Variants in NCAM1 observed in about 807,000 individuals in gnomAD.
NCAM1 encodes neural cell adhesion molecule 1.
In NCAM1, 14 loss-of-function variants were observed where a neutral mutation model predicts 109.8. The observed-to-expected ratio is 0.13, with a 90% CI of 0.08 to 0.20. The LOEUF is 0.20. Among genes scored for constraint, NCAM1 ranks in the 10% least tolerant of loss-of-function variants. NCAM1 has a pLI of 1.00. For missense variants in NCAM1, 774 were observed against 1,109.9 expected (o/e 0.70, Z 4.30); for synonymous variants, 418 against 442.9 (o/e 0.94, Z 0.70).
chr11:113,255,811 C>T (rs1945817482), intron 15 of NCAM1, 66 bp from the exon 16 acceptor site: 4 of 1,580,850 alleles, frequency 2.5e-6, no homozygotes, highest in Non-Finnish European at 3.5e-6. Context: ...CACTCCATCC[C>T]ATTCAGATGG....
At chr11:113,072,063 T>G (rs1034143153) in intron 1 of NCAM1, among the ~76,000 whole-genome samples, 1 of 152,116 alleles carries the variant, frequency 6.6e-6, no homozygotes, top group Non-Finnish European at 1.5e-5. Flanking sequence ...GAAAATCACT[T>G]GAACCTGAAA....
chr11:113,176,947 A>G (rs1943167976), intron 1 of NCAM1, among the ~76,000 whole-genome samples: 1 of 152,340 alleles, frequency 6.6e-6, no homozygotes, highest in Admixed American at 6.5e-5. Flanking sequence ...AGAAGGGCAT[A>G]TGAGAGTGAT....
intron 15 of NCAM1, among the ~76,000 whole-genome samples, chr11:113,246,799 C>CT (rs1262088084): frequency 6.6e-6 from 1 of 152,214 alleles, no homozygotes; most frequent in Non-Finnish European, 1.5e-5. Context: ...TGTTTACAAC[C>CT]TTGAAATGCT....
At chr11:113,210,775 A>ACACAC (rs1944363983) in intron 7 of NCAM1, among the ~76,000 whole-genome samples, 3 of 130,980 alleles carry the variant, frequency 2.3e-5, no homozygotes, top group Non-Finnish European at 3.2e-5. Context: ...CTTCATCACA[A>ACACAC]ACACACACAC....
chr11:113,155,141 C>T (rs1214568911), intron 1 of NCAM1, among the ~76,000 whole-genome samples: 2 of 152,040 alleles, frequency 1.3e-5, no homozygotes, highest in Admixed American at 1.3e-4. Context: ...GGAGCAAGTG[C>T]CTGGGCAGTG....
chr11:113,000,853 AAAAAT>A (rs781985014), intron 1 of NCAM1, among the ~76,000 whole-genome samples: 20,348 of 72,280 alleles, frequency 0.28, 1,663 homozygotes, highest in East Asian at 0.49. Flanking sequence ...TATATACACA[AAAAAT>A]ATATATATAT....
At chr11:113,232,448 C>G (rs1945040618) in intron 11 of NCAM1, 94 bp downstream of exon 11, 1 of 1,279,848 alleles carries the variant, frequency 7.8e-7, no homozygotes, top group Non-Finnish European at 1.1e-6. Flanking sequence ...TCCTGCTTCT[C>G]TGGCACATCC....
chr11:113,225,396 G>C (rs1159697154), intron 9 of NCAM1, among the ~76,000 whole-genome samples: 5 of 152,156 alleles, frequency 3.3e-5, no homozygotes, highest in African/African-American at 4.8e-5. Flanking sequence ...AGAATAAAAA[G>C]AAACAAACAA....
At chr11:113,254,994 G>C (rs72995543) in intron 15 of NCAM1, among the ~76,000 whole-genome samples, 81 of 152,322 alleles carry the variant, frequency 5.3e-4, no homozygotes, top group East Asian at 1.4e-3. Context: ...CTAGCAGTTT[G>C]TCACATGCAA....
chr11:113,140,446 C>G (rs2136193297), intron 1 of NCAM1, among the ~76,000 whole-genome samples: 1 of 152,272 alleles, frequency 6.6e-6, no homozygotes, highest in Non-Finnish European at 1.5e-5. Flanking sequence ...GTTTTAGACA[C>G]TAGACATCCC....
chr11:113,040,330 G>A (rs1953031512), intron 1 of NCAM1, among the ~76,000 whole-genome samples: 1 of 152,130 alleles, frequency 6.6e-6, no homozygotes, highest in Non-Finnish European at 1.5e-5. Context: ...GACAGCACAG[G>A]TTTAGACTGG....
At position 113,204,446 on chromosome 11, in the gene NCAM1, T is replaced by C. The variant is rs782729504; in HGVS notation, c.288T>C (p.Cys96=). Residue 96 remains cysteine, a synonymous_variant, in exon 3 of 20, where the codon TGT becomes TGC. Transcript: ENST00000316851. The stretch of plus-strand genomic sequence containing the variant: ...TCGACGACGCCGGCATTTACAAGTG[T>C]GTGGTTACAGGCGAGGATGGCAGTG... ...ANIDDAGIYK[C]VVTGEDGSES... The C allele has an allele frequency of 2.9e-5, 46 of 1,613,866 alleles. No individual in the cohort carries two copies. Among genetic ancestry groups the C allele is most frequent in the Non-Finnish European group, 3.9e-5 (46 of 1,179,898 alleles).
chr11:113,146,281 G>C (rs769037937), intron 1 of NCAM1, among the ~76,000 whole-genome samples: 3 of 152,196 alleles, frequency 2.0e-5, no homozygotes, highest in Non-Finnish European at 4.4e-5. Flanking sequence ...AAATATGTGT[G>C]TTGCCTTTGA....
At chr11:113,128,387 A>G (rs1941260502) in intron 1 of NCAM1, among the ~76,000 whole-genome samples, 1 of 152,214 alleles carries the variant, frequency 6.6e-6, no homozygotes, top group African/African-American at 2.4e-5. Flanking sequence ...GCACTCAGGT[A>G]TTAGAAAGTG....
chr11:113,076,427 A>C (rs1157938329), intron 1 of NCAM1, among the ~76,000 whole-genome samples: 1 of 152,148 alleles, frequency 6.6e-6, no homozygotes, highest in African/African-American at 2.4e-5. Context: ...TGGCAACACA[A>C]CATTAGCTGC....
intron 1 of NCAM1, among the ~76,000 whole-genome samples, chr11:113,053,172 C>G (rs7926309): frequency 0.021 from 3,209 of 152,254 alleles, 107 homozygotes; most frequent in African/African-American, 0.073. Flanking sequence ...GTTTTCTGTT[C>G]CTGCATTAGT....
chr11:113,243,250 C>G (rs995723905), intron 14 of NCAM1, among the ~76,000 whole-genome samples: 18 of 152,090 alleles, frequency 1.2e-4, no homozygotes, highest in African/African-American at 3.6e-4. Flanking sequence ...AGACTGAGAG[C>G]GAGGGAAGGA....
At chr11:113,154,952 C>T (rs1039900960) in intron 1 of NCAM1, among the ~76,000 whole-genome samples, 3 of 152,146 alleles carry the variant, frequency 2.0e-5, no homozygotes, top group African/African-American at 7.2e-5. Flanking sequence ...AGCCCCATTT[C>T]CCTCAGAACC....
intron 10 of NCAM1, 90 bp downstream of exon 10, chr11:113,231,885 A>G (rs1187058794): frequency 4.0e-6 from 6 of 1,514,914 alleles, no homozygotes; most frequent in East Asian, 4.5e-5. Flanking sequence ...ACCTATGTGC[A>G]CCCTGTGTGT....
Sources: allele counts gnomAD v4.1 joint callset (sites outside exome capture counted in the v4.1 genomes callset), GRCh38; gene constraint gnomAD v4.1.1; transcripts MANE v1.5; gene names NCBI Gene and HGNC (gene_info 2026-07-23, HGNC 2026-07-21).